GULP1: variants seen among roughly 807,000 people sequenced by gnomAD.
GULP1 encodes the protein PTB domain-containing engulfment adapter protein 1.
Under a neutral mutation model 40.9 loss-of-function variants are expected in GULP1, and 19 were observed. The observed-to-expected ratio is 0.46, with a 90% CI of 0.32 to 0.68. The LOEUF is 0.68. Ranked by LOEUF, GULP1 falls within the 30% of genes least tolerant of loss-of-function variation. The pLI is 0.03. For synonymous variants in GULP1, 119 were observed against 117.6 expected, an observed-to-expected ratio of 1.01 and a Z score of -0.08; for missense variants, 312 against 362.2, an observed-to-expected ratio of 0.86 and a Z score of 1.12.
intron 2 of GULP1, among the ~76,000 whole-genome samples, chr2:188,414,266 A>T (rs944562377): frequency 6.7e-6 from 1 of 150,258 alleles, no homozygotes; most frequent in African/African-American, 2.4e-5. Flanking sequence ...TCATTGATTG[A>T]TTTGTATATA....
At chr2:188,398,881 TAGG>T (rs1200524629) in intron 2 of GULP1, among the ~76,000 whole-genome samples, 3 of 152,162 alleles carry the variant, frequency 2.0e-5, no homozygotes, top group Admixed American at 6.5e-5. Context: ...GGGAGAAGAG[TAGG>T]ATTTGCATTA....
At chr2:188,296,421 A>T (rs538560710) in intron 1 of GULP1, among the ~76,000 whole-genome samples, 1 of 151,996 alleles carries the variant, frequency 6.6e-6, no homozygotes, top group Non-Finnish European at 1.5e-5. Context: ...GTTTTCAGCC[A>T]CTCTAATGAT....
chr2:188,566,274 T>C (rs1352188198), intron 7 of GULP1, among the ~76,000 whole-genome samples: 1 of 152,124 alleles, frequency 6.6e-6, no homozygotes, highest in Non-Finnish European at 1.5e-5. Flanking sequence ...TTTCATCATA[T>C]GTATTGTGGG....
chr2:188,353,460 G>A (rs1190498529), intron 1 of GULP1, among the ~76,000 whole-genome samples: 1 of 152,138 alleles, frequency 6.6e-6, no homozygotes, highest in Non-Finnish European at 1.5e-5. Context: ...ATTGCTGTGT[G>A]CTGCCCATAG....
In GULP1 at chr2:188,515,441, A is replaced by C. The variant is rs1385856499; in HGVS notation, c.91-7315A>C. ...GTTCTCTTCAGAATTCTTCTTCCTC[A>C]GACTCCAGCACTGTATACCCAATTG... On this transcript the variant is annotated intron_variant, in intron 4 of 11. Coordinates refer to ENST00000409830, the MANE Select transcript of GULP1 (RefSeq NM_016315.4). Among the ~76,000 whole-genome samples the C allele has an allele frequency of 3.3e-5, 5 of 152,234 alleles. No individual in the cohort carries two copies. In the East Asian group the frequency reaches 9.7e-4, roughly 29 times the overall value.
intron 7 of GULP1, among the ~76,000 whole-genome samples, chr2:188,565,886 C>T (rs1697536208): frequency 6.6e-6 from 1 of 151,976 alleles, no homozygotes; most frequent in African/African-American, 2.4e-5. Context: ...ACGTATGAAA[C>T]TCAGAAACTT....
chr2:188,322,005 ACAG>A (rs2040057980), intron 1 of GULP1, among the ~76,000 whole-genome samples: 1 of 152,174 alleles, frequency 6.6e-6, no homozygotes, highest in African/African-American at 2.4e-5. Flanking sequence ...AGCCTGGACA[ACAG>A]GAGTGAAACT....
At chr2:188,311,384 A>G (rs931460274) in intron 1 of GULP1, among the ~76,000 whole-genome samples, 3 of 152,040 alleles carry the variant, frequency 2.0e-5, no homozygotes, top group African/African-American at 7.2e-5. Flanking sequence ...TTTAGTAGAG[A>G]CGGGGTTTCA....
chr2:188,340,837 C>G (rs749909377), intron 1 of GULP1, among the ~76,000 whole-genome samples: 1 of 151,980 alleles, frequency 6.6e-6, no homozygotes, highest in Non-Finnish European at 1.5e-5. Flanking sequence ...GGGGAGGGAG[C>G]GGGAAAGTAT....
At position 188,292,171 on chromosome 2, in the gene GULP1, G is replaced by A. The variant is rs2033898510; in HGVS notation, c.-172+5G>A. 6.6e-6 allele frequency: 1 copy of A among 152,396 alleles called. No individual in the cohort carries two copies. Among genetic ancestry groups the A allele is most frequent in the Non-Finnish European group, 1.5e-5 (1 of 68,204 alleles). The allele number at this position is 152,396 out of a possible 1,614,324, so 9.4% of individuals were successfully genotyped here. ...CCGACTGCCTCTCTCAGTGAGGTACGGAGATTTATCTAGGCTCTTCCCTGG... is the reference window on the plus strand; with the variant it reads ...CCGACTGCCTCTCTCAGTGAGGTACAGAGATTTATCTAGGCTCTTCCCTGG... On this transcript the variant is annotated splice_donor_5th_base_variant and intron_variant, in intron 1 of 11. Coordinates refer to ENST00000409830, the MANE Select transcript of GULP1 (RefSeq NM_016315.4). The surrounding 1 kb of genome is among the most constrained non-coding windows in gnomAD (Gnocchi z 4.0).
chr2:188,492,262 CT>C (rs148521323), intron 4 of GULP1, among the ~76,000 whole-genome samples: 1,931 of 152,124 alleles, frequency 0.013, 41 homozygotes, highest in African/African-American at 0.044. Context: ...AGAACAATAA[CT>C]TTTATTTTGA....
chr2:188,296,756 A>C (rs1273060023), intron 1 of GULP1, among the ~76,000 whole-genome samples: 1 of 152,036 alleles, frequency 6.6e-6, no homozygotes, highest in African/African-American at 2.4e-5. Flanking sequence ...AAGAGAGTGC[A>C]TCTAGATATC....
intron 7 of GULP1, among the ~76,000 whole-genome samples, chr2:188,565,300 G>A (rs569562346): frequency 6.6e-6 from 1 of 152,028 alleles, no homozygotes; most frequent in East Asian, 1.9e-4. Flanking sequence ...TCTGAAAAAG[G>A]ATCTGTATCC....
chr2:188,375,581 T>C (rs2048193769), intron 1 of GULP1, among the ~76,000 whole-genome samples: 1 of 152,256 alleles, frequency 6.6e-6, no homozygotes, highest in South Asian at 2.1e-4. Flanking sequence ...ACTTGCTCTC[T>C]TTTCATTAAT....
chr2:188,588,555 T>TA (rs1219085344), intron 11 of GULP1: 3 of 153,034 alleles, frequency 2.0e-5, no homozygotes, highest in African/African-American at 7.2e-5. Context: ...GGCCATGATT[T>TA]AAAAATAGTC....
intron 2 of GULP1, among the ~76,000 whole-genome samples, chr2:188,434,728 T>A (rs2057244905): frequency 6.6e-6 from 1 of 151,852 alleles, no homozygotes; most frequent in Non-Finnish European, 1.5e-5. Context: ...TATCACCCAA[T>A]TTCTGAGTTT....
At chr2:188,524,311 A>T (rs1359200586) in intron 5 of GULP1, among the ~76,000 whole-genome samples, 2 of 152,178 alleles carry the variant, frequency 1.3e-5, no homozygotes, top group Admixed American at 6.5e-5. Context: ...TATATTTTGC[A>T]GGATTTTGTA....
At chr2:188,386,231 G>A (rs2049726691) in intron 2 of GULP1, among the ~76,000 whole-genome samples, 1 of 152,076 alleles carries the variant, frequency 6.6e-6, no homozygotes, top group Admixed American at 6.6e-5. Flanking sequence ...AAGAGAAGAG[G>A]GCTTGTGTAG....
In GULP1 at chr2:188,569,218, CTTTG is replaced by C. The variant is rs1291762129; in HGVS notation, c.400-16_400-13del. On this transcript the variant is annotated splice_polypyrimidine_tract_variant and intron_variant, in intron 7 of 11. Transcript: ENST00000409830. ...TTTGACATATTATTAAAATGCAAAT[CTTTG>C]TTTGATTTTTACACAGGCTGAAGAG... 4 of 1,201,890 alleles carry C rather than the reference CTTTG, an allele frequency of 3.3e-6. No homozygotes were observed. The highest frequency in any genetic ancestry group is 2.3e-5 in the East Asian group (1 of 43,012). 74.5% of individuals were successfully genotyped at this position (1,201,890 alleles called of 1,614,324 possible). A position where few individuals can be genotyped will look rare whatever the true frequency, so the allele number is the denominator to read the frequency against.
Sources: allele counts gnomAD v4.1 joint callset (sites outside exome capture counted in the v4.1 genomes callset), GRCh38; gene constraint gnomAD v4.1.1; non-coding constraint Gnocchi (gnomAD v3.1); transcripts MANE v1.5; gene names NCBI Gene and HGNC (gene_info 2026-07-23, HGNC 2026-07-21).